The following PIEZO1 variants were observed in gnomAD, a reference collection of about 807,000 sequenced individuals.
PIEZO1 encodes the protein piezo-type mechanosensitive ion channel component 1.
In PIEZO1, 296 loss-of-function variants were observed where a neutral mutation model predicts 297.2. The ratio of observed to expected loss-of-function variants is 1.00; its 90% CI spans 0.91 to 1.10. The LOEUF is 1.10. PIEZO1 is among the 50% of genes least tolerant of loss of function. The pLI, the probability that PIEZO1 is intolerant of heterozygous loss-of-function variation, is 0.00. For missense variants in PIEZO1, 5,018 were observed against 3,455.5 expected (o/e 1.45, Z -11.34); for synonymous variants, 2,427 against 1,507.5 (o/e 1.61, Z -14.13).
In PIEZO1 at chr16:88,736,946, T is replaced by C. The variant is rs1430064891; in HGVS notation, c.1196-207A>G. The C allele has an allele frequency of 6.5e-6, 3 of 461,754 alleles. No individual in the cohort carries two copies. In the East Asian group the frequency reaches 1.1e-4, roughly 17 times the overall value. The allele number at this position is 461,754 out of a possible 1,614,324, so 28.6% of individuals were successfully genotyped here. A position where few individuals can be genotyped will look rare whatever the true frequency, so the allele number is the denominator to read the frequency against. ...GGCCCTGCCAGCACCTGCCGTTCTC[T>C]GGGCCTCACTTTCCTTGAAAGGGTG... On this transcript the variant is annotated intron_variant, in intron 10 of 50. Coordinates refer to ENST00000301015, the MANE Select transcript of PIEZO1 (RefSeq NM_001142864.4).
chr16:88,749,277 T>C (rs2038269704), intron 2 of PIEZO1, 107 bp downstream of exon 2: 1 of 674,128 alleles, frequency 1.5e-6, no homozygotes, highest in Admixed American at 4.0e-5. Flanking sequence ...ACCCCTCATC[T>C]TCCACCCCGG....
rs1249152228 is a variant in PIEZO1 at position 88,721,383 on chromosome 16, A to G, written c.5451T>C (p.His1817=). ...CCTGCTCCTCCTCGCCGCTCTTGTCATGCTCCTTGGATGGTGAGTCCTCCT... is the reference window on the plus strand; with the variant it reads ...CCTGCTCCTCCTCGCCGCTCTTGTCGTGCTCCTTGGATGGTGAGTCCTCCT... ...DHEEDSPSKE[H]DKSGEEEQGA... Residue 1817 remains histidine (H), a synonymous_variant, in exon 39 of 51, where the codon CAT becomes CAC. Coordinates refer to ENST00000301015, the MANE Select transcript of PIEZO1 (RefSeq NM_001142864.4). 6.5e-7 allele frequency: 1 copy of G among 1,549,376 alleles called. No individual in the cohort carries two copies. Among genetic ancestry groups the G allele is most frequent in the Non-Finnish European group, 8.7e-7 (1 of 1,146,756 alleles).
chr16:88,716,802 T>G lies in PIEZO1; in HGVS notation c.6753+4A>C. ...CCAGCTTTCACAGGGCAGAGGCCAC[T>G]TACCGGCTGGGGGTCAAACTGCCGG... On this transcript the variant is annotated splice_donor_region_variant and intron_variant, in intron 46 of 50. Transcript: ENST00000301015. 1 of 1,549,918 alleles carries G rather than the reference T, an allele frequency of 6.5e-7. No homozygotes were observed. Among genetic ancestry groups the G allele is most frequent in the South Asian group, 1.2e-5 (1 of 84,066 alleles).
rs768320446 is a variant in PIEZO1 at position 88,721,860 on chromosome 16, G to A, written c.5162C>T (p.Ser1721Leu). 1.4e-5 allele frequency: 22 copies of A among 1,549,762 alleles called. No homozygotes were observed. Among genetic ancestry groups the A allele is most frequent in the Non-Finnish European group, 1.6e-5 (18 of 1,146,766 alleles). ...PVLVFLWAMLSIPRPSKRFWM... is the reference protein window; with the variant it reads ...PVLVFLWAMLLIPRPSKRFWM... Reference sequence around the variant, plus strand: ...GAAGCGCTTGCTGGGCCTCGGGATCGACAGCATGGCCCACAGGAAGACGAG... The same window carrying A: ...GAAGCGCTTGCTGGGCCTCGGGATCAACAGCATGGCCCACAGGAAGACGAG... The change falls in exon 37 of 51, where the codon TCG (serine) becomes TTG (leucine). Residue 1721 changes from serine to leucine, a missense_variant. Transcript: ENST00000301015.
At chr16:88,781,894 G>A (rs1377113723) in intron 1 of PIEZO1, among the ~76,000 whole-genome samples, 2 of 152,256 alleles carry the variant, frequency 1.3e-5, no homozygotes, top group Non-Finnish European at 2.9e-5. Flanking sequence ...GCCTGAAGGA[G>A]GTGACGCCCA....
At position 88,722,565 on chromosome 16, in the gene PIEZO1, G is replaced by T. The variant is rs1214995048; in HGVS notation, c.4775+18C>A. On this transcript the variant is annotated intron_variant, in intron 35 of 50. Transcript: ENST00000301015. ...CACCAGGGGCAGCAGCTGGGGCTCG[G>T]GTCACCCCCGCACCTACCTGGACAC... The T allele has an allele frequency of 2.0e-6, 3 of 1,492,362 alleles. No individual in the cohort carries two copies. The highest frequency in any genetic ancestry group is 2.5e-5 in the East Asian group (1 of 40,176). 92.4% of individuals were successfully genotyped at this position (1,492,362 alleles called of 1,614,324 possible).
At chr16:88,720,323 A>G (rs1912339735) in intron 41 of PIEZO1, 40 bp from the exon 42 acceptor site, 4 of 1,550,022 alleles carry the variant, frequency 2.6e-6, no homozygotes, top group Non-Finnish European at 3.5e-6. Context: ...AGCCAAGCCC[A>G]GGGGATGTGG....
At chr16:88,724,218 G>A (rs1904308915) in intron 30 of PIEZO1, among the ~76,000 whole-genome samples, 1 of 152,236 alleles carries the variant, frequency 6.6e-6, no homozygotes, top group Admixed American at 6.5e-5. Context: ...GAAAACCCAG[G>A]AGGCTGTGTG....
chr16:88,722,255 C>G lies in PIEZO1; in HGVS notation c.4918G>C (p.Gly1640Arg), dbSNP rs530322988. 1.9e-6 allele frequency: 3 copies of G among 1,548,306 alleles called. No individual in the cohort carries two copies. Among genetic ancestry groups the G allele is most frequent in the Non-Finnish European group, 8.7e-7 (1 of 1,146,816 alleles). Reference protein sequence around the residue: ...EREAGASLYQGLMRTASELLL... With the variant: ...EREAGASLYQRLMRTASELLL... The stretch of plus-strand genomic sequence containing the variant: ...AGCTCGCTGGCCGTCCGCATCAGTC[C>G]CTGGTACAGAGAGGCACCAGCCTCA... The change falls in exon 36 of 51, where the codon GGA (glycine) becomes CGA (arginine). Residue 1640 changes from glycine (G) to arginine (R), a missense_variant. Gly to Arg is a moderately radical substitution (Grantham distance 125, BLOSUM62 -2). Coordinates refer to ENST00000301015, the MANE Select transcript of PIEZO1 (RefSeq NM_001142864.4).
intron 1 of PIEZO1, among the ~76,000 whole-genome samples, chr16:88,755,878 C>T (rs935209829): frequency 1.3e-5 from 2 of 152,268 alleles, no homozygotes; most frequent in African/African-American, 2.4e-5. Flanking sequence ...GTCAACCTGG[C>T]CAGCAGATCC....
In PIEZO1 at chr16:88,716,013, C is replaced by T. The variant is rs1911994203; in HGVS notation, c.7236G>A (p.Arg2412=). 1 of 1,550,220 alleles carries T rather than the reference C, an allele frequency of 6.5e-7. No individual in the cohort carries two copies. Among genetic ancestry groups the T allele is most frequent in the East Asian group, 2.4e-5 (1 of 40,914 alleles). The change falls in exon 50 of 51, where the codon CGG becomes CGA. Residue 2412 remains arginine (R), a synonymous_variant. Coordinates refer to ENST00000301015, the MANE Select transcript of PIEZO1 (RefSeq NM_001142864.4). ...EWWVIELQEC[R]TDCNLLPMVI... ...CCATGGGCAGCAGGTTGCAGTCGGT[C>T]CGGCACTCCTGCAGCTCGATGACCC...
At position 88,721,741 on chromosome 16, in the gene PIEZO1, G is replaced by A. The variant is rs1256037966; in HGVS notation, c.5215-15C>T. Reference sequence around the variant, plus strand: ...ACCACCGCGATCTGTGGGGGAGGGGGCTCAGCACGCGGGGAGGGTCACGGC... The same window carrying A: ...ACCACCGCGATCTGTGGGGGAGGGGACTCAGCACGCGGGGAGGGTCACGGC... On this transcript the variant is annotated splice_polypyrimidine_tract_variant and intron_variant, in intron 37 of 50. Coordinates refer to ENST00000301015, the MANE Select transcript of PIEZO1 (RefSeq NM_001142864.4). 10 of 1,535,760 alleles carry A rather than the reference G, an allele frequency of 6.5e-6. No individual in the cohort carries two copies. The highest frequency in any genetic ancestry group is 7.9e-6 in the Non-Finnish European group (9 of 1,140,058).
At position 88,726,923 on chromosome 16, in the gene PIEZO1, C is replaced by G; in HGVS notation, c.3491G>C (p.Arg1164Pro). 3.2e-6 allele frequency: 5 copies of G among 1,550,406 alleles called. No individual in the cohort carries two copies. Among genetic ancestry groups the G allele is most frequent in the Non-Finnish European group, 4.4e-6 (5 of 1,146,894 alleles). Residue 1164 changes from arginine (R) to proline (P), a missense_variant, in exon 25 of 51, where the codon CGA becomes CCA. By Grantham distance (103) the Arg-to-Pro change is moderately radical. Coordinates refer to ENST00000301015, the MANE Select transcript of PIEZO1 (RefSeq NM_001142864.4). ...CACCAGCACCAGCCAGAACAGGTAT[C>G]GGAAGACGGCCACCTTCAGCATGTC... ...YLDMLKVAVF[R>P]YLFWLVLVVV...
Position 88,738,023 on chromosome 16 carries a change from G to T in PIEZO1, c.931C>A (p.Pro311Thr), listed in dbSNP as rs966953683. Residue 311 changes from proline (P) to threonine (T), a missense_variant, in exon 8 of 51, where the codon CCT (proline) becomes ACT (threonine). Transcript: ENST00000301015. ...ALVLNTGLDWPVYASPGVLLL... is the reference protein window; with the variant it reads ...ALVLNTGLDWTVYASPGVLLL... Reference sequence around the variant, plus strand: ...AGGACGCCGGGGCTGGCATACACAGGCCAGTCCAGGCCGGTGTTGAGGACC... The same window carrying T: ...AGGACGCCGGGGCTGGCATACACAGTCCAGTCCAGGCCGGTGTTGAGGACC... 1 of 1,535,582 alleles carries T rather than the reference G, an allele frequency of 6.5e-7. No homozygotes were observed. The highest frequency in any genetic ancestry group is 1.4e-5 in the African/African-American group (1 of 73,044).
At chr16:88,718,854 T>G (rs142920248) in intron 44 of PIEZO1, 1 of 153,700 alleles carries the variant, frequency 6.5e-6, no homozygotes, top group Non-Finnish European at 1.5e-5. Context: ...AGCACAAGTG[T>G]GCACCATCAC....
Position 88,733,920 on chromosome 16 carries a change from G to C in PIEZO1, c.2315C>G (p.Thr772Arg), listed in dbSNP as rs561264067. 2.3e-5 allele frequency: 35 copies of C among 1,515,964 alleles called. No individual in the cohort carries two copies. The highest frequency in any genetic ancestry group is 2.5e-5 in the Non-Finnish European group (28 of 1,126,302). 93.9% of individuals were successfully genotyped at this position (1,515,964 alleles called of 1,614,324 possible). A position where few individuals can be genotyped will look rare whatever the true frequency, so the allele number is the denominator to read the frequency against. ...GCCCAACCCACCTTCAGGCACCTGC[G>C]TGGCCTGGTGGGGAGTGGCCACGCC... is the stretch of plus-strand genomic sequence containing the variant. Reference protein sequence around the residue: ...GLGVATPHQATQVPEGAAKWG... With the variant: ...GLGVATPHQARQVPEGAAKWG... The change falls in exon 17 of 51, where the codon ACG (threonine) becomes AGG (arginine). Residue 772 changes from threonine to arginine, a missense_variant. Transcript: ENST00000301015.
At chr16:88,737,437 A>C in intron 10 of PIEZO1, 122 bp downstream of exon 10, 1 of 651,302 alleles carries the variant, frequency 1.5e-6, no homozygotes, top group Admixed American at 3.0e-5. Context: ...TGGGCCCCCG[A>C]GGGGGCGGCA....
intron 36 of PIEZO1, 31 bp from the exon 37 acceptor site, chr16:88,722,097 C>A (rs1243289076): frequency 6.5e-7 from 1 of 1,535,878 alleles, no homozygotes; most frequent in Admixed American, 2.0e-5. Context: ...TTGGGGGAGT[C>A]TGGGACTGCC....
intron 1 of PIEZO1, among the ~76,000 whole-genome samples, chr16:88,757,025 G>A (rs552717763): frequency 7.2e-5 from 11 of 152,234 alleles, no homozygotes; most frequent in Non-Finnish European, 1.0e-4. Flanking sequence ...GCAGTGAGCC[G>A]AGATCAGGAC....
Sources: allele counts gnomAD v4.1 joint callset (sites outside exome capture counted in the v4.1 genomes callset), GRCh38; gene constraint gnomAD v4.1.1; transcripts MANE v1.5; gene names NCBI Gene and HGNC (gene_info 2026-07-23, HGNC 2026-07-21).